TAOK1: variants seen among roughly 807,000 people sequenced by gnomAD.
The protein encoded by TAOK1 is TAO kinase 1.
In TAOK1, 21 loss-of-function variants were observed where a neutral mutation model predicts 138.3. The ratio of observed to expected loss-of-function variants is 0.15; its 90% CI spans 0.11 to 0.22. TAOK1 has a LOEUF of 0.22. Among genes scored for constraint, TAOK1 ranks in the 10% least tolerant of loss-of-function variants. TAOK1 has a pLI of 1.00. For synonymous variants in TAOK1, 361 were observed against 398.4 expected (o/e 0.91, Z 1.12); for missense variants, 651 against 1,227.7 (o/e 0.53, Z 7.02).
At chr17:29,460,038 G>C (rs2030495378) in intron 2 of TAOK1, among the ~76,000 whole-genome samples, 1 of 152,070 alleles carries the variant, frequency 6.6e-6, no homozygotes. Context: ...ACCTCTTTAG[G>C]CCTGCCTATA....
At chr17:29,427,793 G>A (rs1423395391) in intron 1 of TAOK1, among the ~76,000 whole-genome samples, 1 of 151,920 alleles carries the variant, frequency 6.6e-6, no homozygotes. Flanking sequence ...TGGGCGTGGT[G>A]GTGGACGCCT....
chr17:29,469,501 C>A (rs550739677), intron 3 of TAOK1, among the ~76,000 whole-genome samples: 12 of 152,144 alleles, frequency 7.9e-5, no homozygotes, highest in Admixed American at 2.0e-4. Context: ...AACCACCAGT[C>A]TACTTTCTGT....
chr17:29,392,215 C>CA lies in TAOK1; in HGVS notation c.-95+1202dup, dbSNP rs898854866. ...TGGGCGACAGAGCGAGACTCCGTTT[C>CA]AAAAAAAAAAATTATTAACAATTAT... On this transcript the variant is annotated intron_variant, in intron 1 of 19. Transcript: ENST00000261716. Among the ~76,000 whole-genome samples, 245 of 146,402 alleles carry CA rather than the reference C, an allele frequency of 1.7e-3. 3 individuals are homozygous for CA. In the East Asian group the frequency reaches 0.023, roughly 14 times the overall value.
intron 18 of TAOK1, among the ~76,000 whole-genome samples, chr17:29,533,565 G>A (rs544833601): frequency 6.6e-6 from 1 of 151,932 alleles, no homozygotes. Context: ...AGCACTGAGT[G>A]AACGAGACTC....
intron 1 of TAOK1, among the ~76,000 whole-genome samples, chr17:29,401,895 C>A (rs1904857146): frequency 6.6e-6 from 1 of 151,934 alleles, no homozygotes; most frequent in Non-Finnish European, 1.5e-5. Flanking sequence ...GGTGATCTGC[C>A]CACCTTGGCC....
chr17:29,433,251 T>G (rs888508904), intron 1 of TAOK1, among the ~76,000 whole-genome samples: 18 of 151,908 alleles, frequency 1.2e-4, no homozygotes, highest in Non-Finnish European at 2.2e-4. Flanking sequence ...GCCAACATGG[T>G]GAAACCCTGT....
intron 18 of TAOK1, 127 bp downstream of exon 18, chr17:29,530,746 G>C (rs114062907): frequency 1.3e-6 from 1 of 768,704 alleles, no homozygotes; most frequent in African/African-American, 1.7e-5. Flanking sequence ...AAATGTGGTG[G>C]TGGTTCATTT....
At chr17:29,477,581 G>T in intron 4 of TAOK1, 80 bp from the exon 5 acceptor site, 1 of 792,578 alleles carries the variant, frequency 1.3e-6, no homozygotes, top group South Asian at 4.3e-5. Flanking sequence ...TTGATCTACT[G>T]TGTGAACTTA....
At chr17:29,391,385 G>C (rs1484110885) in intron 1 of TAOK1, among the ~76,000 whole-genome samples, 2 of 152,070 alleles carry the variant, frequency 1.3e-5, no homozygotes, top group Admixed American at 6.6e-5. Flanking sequence ...TAGTGTCTGT[G>C]TATTCTTGGG....
At chr17:29,503,163 G>A (rs550909697) in intron 13 of TAOK1, among the ~76,000 whole-genome samples, 2 of 152,218 alleles carry the variant, frequency 1.3e-5, no homozygotes, top group African/African-American at 4.8e-5. Context: ...TTGGGAGGCC[G>A]AAGCGGGCGG....
At chr17:29,431,308 G>A (rs1276903209) in intron 1 of TAOK1, among the ~76,000 whole-genome samples, 2 of 152,096 alleles carry the variant, frequency 1.3e-5, no homozygotes, top group Non-Finnish European at 2.9e-5. Flanking sequence ...TGAGCATGGT[G>A]GTGTGTGCCT....
At chr17:29,464,063 A>G (rs2030596221) in intron 2 of TAOK1, among the ~76,000 whole-genome samples, 1 of 152,138 alleles carries the variant, frequency 6.6e-6, no homozygotes, top group African/African-American at 2.4e-5. Context: ...AATGTCCAGA[A>G]TGGGCAAATC....
At chr17:29,468,694 C>A (rs2030741372) in intron 3 of TAOK1, among the ~76,000 whole-genome samples, 3 of 151,866 alleles carry the variant, frequency 2.0e-5, no homozygotes, top group African/African-American at 7.3e-5. Flanking sequence ...ATTACAGGCG[C>A]CTGCCACCAC....
intron 8 of TAOK1, among the ~76,000 whole-genome samples, chr17:29,486,228 G>T (rs113957139): frequency 1.2e-4 from 19 of 152,214 alleles, no homozygotes; most frequent in Non-Finnish European, 2.6e-4. Context: ...GGTCAAGGTT[G>T]CAGTGAGCTA....
chr17:29,520,960 G>A (rs1314303805), intron 16 of TAOK1, among the ~76,000 whole-genome samples: 4 of 152,034 alleles, frequency 2.6e-5, no homozygotes, highest in Admixed American at 1.3e-4. Context: ...AGAAGGCAGA[G>A]GTTGCAGTGA....
chr17:29,528,659 G>T (rs936167556), intron 17 of TAOK1, among the ~76,000 whole-genome samples: 4 of 151,702 alleles, frequency 2.6e-5, no homozygotes, highest in Non-Finnish European at 4.4e-5. Flanking sequence ...GGCTGACATG[G>T]TGAAACCCTG....
intron 1 of TAOK1, among the ~76,000 whole-genome samples, chr17:29,447,649 ATTT>A (rs1367187624): frequency 1.4e-5 from 2 of 147,976 alleles, no homozygotes; most frequent in African/African-American, 4.9e-5. Context: ...TTTTTATTTT[ATTT>A]TATTTTATTT....
intron 1 of TAOK1, among the ~76,000 whole-genome samples, chr17:29,436,566 A>T (rs1287097871): frequency 1.3e-5 from 2 of 152,354 alleles, no homozygotes; most frequent in East Asian, 3.9e-4. Context: ...TCTGAAAAGG[A>T]TTAAAACAAG....
rs1253203065 is a variant in TAOK1, at chr17:29,489,555, TA to T, written c.656-107del. 33 of 718,818 alleles carry T rather than the reference TA, an allele frequency of 4.6e-5. No homozygotes were observed. The Admixed American group carries it at 7.8e-4, about 17-fold the overall frequency. The allele number at this position is 718,818 out of a possible 1,614,324, so 44.5% of individuals were successfully genotyped here. On this transcript the variant is annotated intron_variant, in intron 8 of 19. Transcript: ENST00000261716. ...CTACTTGCAATTTTTTGTGTAAGTT[TA>T]AGATTGTTTCAAAATAAAATCATTT...
Sources: allele counts gnomAD v4.1 joint callset (sites outside exome capture counted in the v4.1 genomes callset), GRCh38; gene constraint gnomAD v4.1.1; transcripts MANE v1.5; gene names NCBI Gene and HGNC (gene_info 2026-07-23, HGNC 2026-07-21).